Variants in GALNT13 observed in about 807,000 individuals in gnomAD.
GALNT13 encodes the protein polypeptide N-acetylgalactosaminyltransferase 13, also known as UDP-GalNAc:polypeptide N-acetylgalactosaminyltransferase 13.
A neutral mutation model predicts 64.2 loss-of-function variants in GALNT13; 28 were observed. That is an observed-to-expected ratio of 0.44 (90% CI 0.32 to 0.60). The LOEUF is 0.60. Among genes scored for constraint, GALNT13 ranks in the 20% least tolerant of loss-of-function variants. The pLI, the probability that GALNT13 is intolerant of heterozygous loss-of-function variation, is 0.05. For missense variants in GALNT13, 577 were observed against 669.8 expected, an observed-to-expected ratio of 0.86 and a Z score of 1.53; for synonymous variants, 214 against 224.6, an observed-to-expected ratio of 0.95 and a Z score of 0.42.
At chr2:153,582,509 C>T in the GALNT13 span, among the ~76,000 whole-genome samples, 1 of 152,038 alleles carries the variant, frequency 6.6e-6, no homozygotes, top group Non-Finnish European at 1.5e-5. Flanking sequence ...GTCACTTAAA[C>T]TTTTTGGCCA....
the GALNT13 span, among the ~76,000 whole-genome samples, chr2:153,677,520 T>C: frequency 6.6e-6 from 1 of 152,124 alleles, no homozygotes; most frequent in African/African-American, 2.4e-5. Flanking sequence ...CCTATAAAAC[T>C]ACCAATGGCA....
At chr2:154,295,827 A>G (rs1692891801) in intron 8 of GALNT13, among the ~76,000 whole-genome samples, 1 of 152,166 alleles carries the variant, frequency 6.6e-6, no homozygotes, top group South Asian at 2.1e-4. Flanking sequence ...GGTAGGGTGA[A>G]ATGGGAAGGC....
chr2:153,327,356 A>G, the GALNT13 span, among the ~76,000 whole-genome samples: 104,052 of 151,962 alleles, frequency 0.68, 37,120 homozygotes, highest in Non-Finnish European at 0.79. Context: ...CTATCTTGCT[A>G]GGTTGAGGAA....
the GALNT13 span, among the ~76,000 whole-genome samples, chr2:153,288,702 T>C: frequency 5.3e-5 from 8 of 152,332 alleles, no homozygotes; most frequent in South Asian, 1.0e-3. Context: ...TGTTCTATTT[T>C]ATTATTAGTT....
At chr2:154,144,589 A>C (rs554054645) in intron 4 of GALNT13, among the ~76,000 whole-genome samples, 1 of 152,140 alleles carries the variant, frequency 6.6e-6, no homozygotes, top group Non-Finnish European at 1.5e-5. Flanking sequence ...TCAAATATCT[A>C]ATCATATTTT....
At chr2:154,362,431 T>C (rs572642013) in intron 9 of GALNT13, among the ~76,000 whole-genome samples, 3 of 152,150 alleles carry the variant, frequency 2.0e-5, no homozygotes, top group South Asian at 4.2e-4. Context: ...CATCTTTTCC[T>C]CTCTCTCTTT....
chr2:154,242,792 C>T lies in GALNT13; in HGVS notation c.573C>T (p.Ala191=), dbSNP rs1689565930. 6.2e-7 allele frequency: 1 copy of T among 1,614,030 alleles called. No homozygotes were observed. The highest frequency in any genetic ancestry group is 8.5e-7 in the Non-Finnish European group (1 of 1,179,898). ...RMEERSGLIR[A]RLRGAAASKG... is the part of the protein sequence containing the mutation. ...AAGAACGCTCTGGGTTAATACGTGC[C>T]CGTCTTCGAGGAGCAGCTGCTTCAA... The change falls in exon 6 of 13, where the codon GCC becomes GCT. Residue 191 remains alanine (A), a synonymous_variant. Transcript: ENST00000392825.
chr2:153,421,124 TG>T, the GALNT13 span: 1 of 261,798 alleles, frequency 3.8e-6, no homozygotes, highest in Non-Finnish European at 8.1e-6. Flanking sequence ...TCTGGTTGCC[TG>T]GCTCAAAGTG....
the GALNT13 span, among the ~76,000 whole-genome samples, chr2:153,177,405 T>C: frequency 1.3e-5 from 2 of 152,082 alleles, no homozygotes; most frequent in Non-Finnish European, 2.9e-5. Context: ...GAATGATGTA[T>C]TGCTAGGATA....
At chr2:153,493,632 A>G in the GALNT13 span, among the ~76,000 whole-genome samples, 2 of 149,806 alleles carry the variant, frequency 1.3e-5, no homozygotes, top group African/African-American at 5.1e-5. Flanking sequence ...TCTCCAACTC[A>G]TTATATAAGG....
the GALNT13 span, among the ~76,000 whole-genome samples, chr2:153,457,947 C>T: frequency 2.0e-5 from 3 of 152,126 alleles, no homozygotes; most frequent in South Asian, 6.2e-4. Flanking sequence ...CCCTGGAGTA[C>T]CTCATCCCCC....
rs576794642 is a variant in GALNT13, at chr2:153,928,449, A to G, written c.-104-15945A>G. ...AGCTAGCTGATAGATGTCTACTGGG[A>G]ACTGTCTAAATGCTCTAGTGTTGTT... On this transcript the variant is annotated intron_variant, in intron 2 of 12. Coordinates refer to ENST00000392825, the MANE Select transcript of GALNT13 (RefSeq NM_052917.4). Among the ~76,000 whole-genome samples, 161 of 152,198 alleles carry G rather than the reference A, an allele frequency of 1.1e-3. 1 individual carries two copies. Among genetic ancestry groups the G allele is most frequent in the African/African-American group, 3.5e-3 (144 of 41,540 alleles).
At chr2:153,372,874 T>C in the GALNT13 span, among the ~76,000 whole-genome samples, 1 of 152,216 alleles carries the variant, frequency 6.6e-6, no homozygotes, top group Non-Finnish European at 1.5e-5. Flanking sequence ...TTTTCTTTTT[T>C]ATGTCAATAA....
the GALNT13 span, among the ~76,000 whole-genome samples, chr2:153,855,862 G>A: frequency 2.0e-5 from 3 of 152,086 alleles, no homozygotes; most frequent in African/African-American, 7.2e-5. Context: ...ATAAAATGTG[G>A]TATGTTTATC....
At chr2:153,211,795 G>T in the GALNT13 span, among the ~76,000 whole-genome samples, 4 of 152,158 alleles carry the variant, frequency 2.6e-5, no homozygotes, top group African/African-American at 9.7e-5. Context: ...AGTCATCAGG[G>T]TATGAGGTGA....
At chr2:153,508,985 A>G in the GALNT13 span, among the ~76,000 whole-genome samples, 3 of 152,326 alleles carry the variant, frequency 2.0e-5, no homozygotes, top group East Asian at 5.8e-4. Flanking sequence ...CAGACAAAGA[A>G]GTTGTCCTTC....
At chr2:153,578,331 A>C in the GALNT13 span, among the ~76,000 whole-genome samples, 1 of 152,240 alleles carries the variant, frequency 6.6e-6, no homozygotes, top group East Asian at 1.9e-4. Context: ...CCTAAAATTT[A>C]AATGTATAAG....
At chr2:153,369,234 A>G in the GALNT13 span, among the ~76,000 whole-genome samples, 4 of 152,088 alleles carry the variant, frequency 2.6e-5, no homozygotes, top group African/African-American at 9.6e-5. Context: ...AAAATCATAT[A>G]TCAGCTTCCA....
At chr2:154,236,377 C>G (rs1194876264) in intron 4 of GALNT13, among the ~76,000 whole-genome samples, 1 of 152,082 alleles carries the variant, frequency 6.6e-6, no homozygotes, top group East Asian at 1.9e-4. Context: ...AATATTTTCA[C>G]CTGTAGACAC....
Sources: allele counts gnomAD v4.1 joint callset (sites outside exome capture counted in the v4.1 genomes callset), GRCh38; gene constraint gnomAD v4.1.1; transcripts MANE v1.5; gene names NCBI Gene and HGNC (gene_info 2026-07-23, HGNC 2026-07-21).